Variants in RAI1 observed in about 807,000 individuals in gnomAD.
RAI1 encodes the protein retinoic acid-induced protein 1.
Under a neutral mutation model 123.8 loss-of-function variants are expected in RAI1, and 9 were observed. That is an observed-to-expected ratio of 0.07 (90% CI 0.04 to 0.13). The LOEUF is 0.13. RAI1 is among the 10% of genes least tolerant of loss of function. The pLI is 1.00. For synonymous variants in RAI1, 1,231 were observed against 1,127.3 expected (o/e 1.09, Z -1.84); for missense variants, 2,256 against 2,545.8 (o/e 0.89, Z 2.45).
At chr17:17,703,143 AC>A (rs1010420303) in intron 1 of RAI1, among the ~76,000 whole-genome samples, 11 of 151,840 alleles carry the variant, frequency 7.2e-5, no homozygotes, top group African/African-American at 2.7e-4. Context: ...CTGCACCTCC[AC>A]CCCCAGGAGT....
chr17:17,723,069 C>T (rs947030995), intron 1 of RAI1, among the ~76,000 whole-genome samples: 4 of 152,192 alleles, frequency 2.6e-5, no homozygotes, highest in African/African-American at 7.2e-5. Context: ...AGGCGCACTG[C>T]CCCTACATGC....
intron 1 of RAI1, among the ~76,000 whole-genome samples, chr17:17,700,448 G>T (rs1400001449): frequency 6.6e-6 from 1 of 151,878 alleles, no homozygotes; most frequent in Non-Finnish European, 1.5e-5. Context: ...AGCCCCTGCG[G>T]GGGTGGCCGC....
At chr17:17,722,535 T>G (rs1298124526) in intron 1 of RAI1, among the ~76,000 whole-genome samples, 1 of 152,172 alleles carries the variant, frequency 6.6e-6, no homozygotes, top group East Asian at 1.9e-4. Context: ...CCGGGAAACC[T>G]AGAGGCGCGG....
chr17:17,775,226 C>T, intron 2 of RAI1, among the ~76,000 whole-genome samples: 1 of 126,022 alleles, frequency 7.9e-6, no homozygotes, highest in African/African-American at 2.9e-5. Context: ...TTTTTTGAGA[C>T]AGGGTCTTGC....
At chr17:17,727,051 T>C (rs1916115681) in intron 2 of RAI1, among the ~76,000 whole-genome samples, 1 of 152,256 alleles carries the variant, frequency 6.6e-6, no homozygotes, top group East Asian at 1.9e-4. Flanking sequence ...ATGTAGTGGA[T>C]ATATTTTGTA....
chr17:17,780,789 T>G (rs1192673397), intron 2 of RAI1, among the ~76,000 whole-genome samples: 1 of 152,178 alleles, frequency 6.6e-6, no homozygotes, highest in Non-Finnish European at 1.5e-5. Context: ...CCATGCCCAG[T>G]GTCTAGCTGG....
At chr17:17,756,344 C>G (rs1459775050) in intron 2 of RAI1, among the ~76,000 whole-genome samples, 1 of 151,726 alleles carries the variant, frequency 6.6e-6, no homozygotes, top group African/African-American at 2.4e-5. Flanking sequence ...ATTACAGGTG[C>G]CTGCCACCAT....
At chr17:17,742,503 C>G (rs905281400) in intron 2 of RAI1, among the ~76,000 whole-genome samples, 4 of 152,222 alleles carry the variant, frequency 2.6e-5, no homozygotes, top group Non-Finnish European at 5.9e-5. Flanking sequence ...AACTATCTAT[C>G]TGGAAGGACT....
chr17:17,760,069 C>T (rs1202552906), intron 2 of RAI1, among the ~76,000 whole-genome samples: 5 of 152,198 alleles, frequency 3.3e-5, no homozygotes, highest in African/African-American at 9.6e-5. Context: ...AGAGGGCTCC[C>T]TCCTGGTCAG....
chr17:17,700,991 A>G (rs1386631695), intron 1 of RAI1, among the ~76,000 whole-genome samples: 1 of 152,274 alleles, frequency 6.6e-6, no homozygotes, highest in East Asian at 1.9e-4. Flanking sequence ...CAGATGCCTC[A>G]TCTCGGCCTT....
Position 17,800,974 on chromosome 17 carries a change from C to A in RAI1, c.5565+2461C>A, listed in dbSNP as rs1308316552. 2.0e-5 allele frequency among the ~76,000 whole-genome samples: 3 copies of A among 152,200 alleles called. No homozygotes were observed. The highest frequency in any genetic ancestry group is 6.5e-5 in the Admixed American group (1 of 15,288). On this transcript the variant is annotated intron_variant, in intron 3 of 5. Coordinates refer to ENST00000353383, the MANE Select transcript of RAI1 (RefSeq NM_030665.4). The surrounding 1 kb of genome is among the most constrained non-coding windows in gnomAD (Gnocchi z 4.7). ...AGCAGGATTGTGGGGTTCTGTGGATCATGTGGGACCTGCCTGGCATGTGGA... is the reference window on the plus strand; with the variant it reads ...AGCAGGATTGTGGGGTTCTGTGGATAATGTGGGACCTGCCTGGCATGTGGA...
intron 2 of RAI1, among the ~76,000 whole-genome samples, chr17:17,726,131 G>A (rs1474442102): frequency 1.3e-5 from 2 of 152,190 alleles, no homozygotes; most frequent in East Asian, 3.9e-4. Context: ...GAGAGGGTCA[G>A]GCAGCAAAGC....
In RAI1 at chr17:17,795,632, C is replaced by A. The variant is rs748667620; in HGVS notation, c.2684C>A (p.Ala895Asp). The change falls in exon 3 of 6, where the codon GCC (alanine) becomes GAC (aspartate). Residue 895 changes from alanine to aspartate, a missense_variant. This residue lies in a region of RAI1 where 566 missense variants were observed against 616.0 expected (regional missense o/e 0.92). Transcript: ENST00000353383. This position sits in a 1 kb window ranked among gnomAD's most constrained non-coding sequence, Gnocchi z 5.9. ...PGMQDPLSPK[A>D]PLICTKEEVE... ...ATGCAGGACCCGCTGTCACCCAAGGCCCCACTCATCTGCACCAAGGAGGAG... is the reference window on the plus strand; with the variant it reads ...ATGCAGGACCCGCTGTCACCCAAGGACCCACTCATCTGCACCAAGGAGGAG... 1 of 1,613,254 alleles carries A rather than the reference C, an allele frequency of 6.2e-7. No homozygotes were observed. The highest frequency in any genetic ancestry group is 1.1e-5 in the South Asian group (1 of 91,066).
At chr17:17,711,269 G>A (rs185969337) in intron 1 of RAI1, among the ~76,000 whole-genome samples, 3 of 152,298 alleles carry the variant, frequency 2.0e-5, no homozygotes, top group Admixed American at 6.5e-5. Context: ...CCTGGCTGCC[G>A]CAGCACCCCT....
At chr17:17,763,480 TG>T (rs969082933) in intron 2 of RAI1, among the ~76,000 whole-genome samples, 16 of 152,278 alleles carry the variant, frequency 1.1e-4, no homozygotes, top group African/African-American at 3.1e-4. Context: ...TGAGCTGTGC[TG>T]GGGCAGAGGG....
At chr17:17,740,836 G>A (rs1018521832) in intron 2 of RAI1, among the ~76,000 whole-genome samples, 1 of 152,154 alleles carries the variant, frequency 6.6e-6, no homozygotes, top group Non-Finnish European at 1.5e-5. Context: ...AAAGCAGGCT[G>A]TGCTAGACCT....
At chr17:17,762,992 G>A (rs963128911) in intron 2 of RAI1, among the ~76,000 whole-genome samples, 14 of 151,604 alleles carry the variant, frequency 9.2e-5, no homozygotes, top group African/African-American at 3.4e-4. Context: ...CTGGGATTCC[G>A]AGGCCAGAGC....
At chr17:17,773,591 C>A (rs1051765222) in intron 2 of RAI1, among the ~76,000 whole-genome samples, 6 of 152,192 alleles carry the variant, frequency 3.9e-5, no homozygotes, top group Non-Finnish European at 7.3e-5. Context: ...TTTGCAGTTT[C>A]TCTGGGGATC....
chr17:17,773,479 T>C (rs555212791), intron 2 of RAI1, among the ~76,000 whole-genome samples: 1 of 152,262 alleles, frequency 6.6e-6, no homozygotes, highest in South Asian at 2.1e-4. Flanking sequence ...ACCAGACCCA[T>C]AGAGTTCAAA....
Sources: allele counts gnomAD v4.1 joint callset (sites outside exome capture counted in the v4.1 genomes callset), GRCh38; gene constraint gnomAD v4.1.1; regional missense constraint gnomAD v4.1.1; non-coding constraint Gnocchi (gnomAD v3.1); transcripts MANE v1.5; gene names NCBI Gene and HGNC (gene_info 2026-07-23, HGNC 2026-07-21).